Variants in RASEF observed in about 807,000 individuals in gnomAD.
RASEF encodes the protein RAS and EF-hand domain containing, also known as ras and EF-hand domain-containing protein.
Under a neutral mutation model 90.1 loss-of-function variants are expected in RASEF, and 68 were observed. The observed-to-expected ratio is 0.75, with a 90% CI of 0.62 to 0.92. The LOEUF is 0.92. Ranked by LOEUF, RASEF falls within the 40% of genes least tolerant of loss-of-function variation. RASEF has a pLI of 0.00. For missense variants in RASEF, 949 were observed against 937.2 expected, an observed-to-expected ratio of 1.01 and a Z score of -0.16; for synonymous variants, 331 against 345.2, an observed-to-expected ratio of 0.96 and a Z score of 0.46.
At chr9:83,130,740 A>T in the RASEF span, among the ~76,000 whole-genome samples, 2 of 152,226 alleles carry the variant, frequency 1.3e-5, no homozygotes, top group Non-Finnish European at 2.9e-5. Context: ...TCACAGCCTC[A>T]TGAAAGGAAA....
the RASEF span, among the ~76,000 whole-genome samples, chr9:83,151,169 A>G: frequency 6.6e-6 from 1 of 152,162 alleles, no homozygotes; most frequent in Non-Finnish European, 1.5e-5. Flanking sequence ...GCATAATGAT[A>G]ATAAAAACAG....
the RASEF span, among the ~76,000 whole-genome samples, chr9:83,125,466 A>G: frequency 1.2e-4 from 19 of 152,330 alleles, no homozygotes; most frequent in African/African-American, 4.6e-4. Context: ...TAGCACCAGT[A>G]AGAAACTGAT....
the RASEF span, among the ~76,000 whole-genome samples, chr9:83,099,301 T>C: frequency 6.6e-6 from 1 of 152,214 alleles, no homozygotes; most frequent in East Asian, 1.9e-4. Context: ...AGCATGTTTT[T>C]CTTCCATGAT....
chr9:83,131,507 A>G, the RASEF span, among the ~76,000 whole-genome samples: 365 of 152,342 alleles, frequency 2.4e-3, 1 homozygote, highest in African/African-American at 8.5e-3. Context: ...AATCTCAAAA[A>G]TAGAAAGCTT....
chr9:83,146,545 C>A, the RASEF span, among the ~76,000 whole-genome samples: 1 of 152,220 alleles, frequency 6.6e-6, no homozygotes, highest in East Asian at 1.9e-4. Context: ...AGAGAGCACA[C>A]AGCCTCTGCC....
intron 1 of RASEF, among the ~76,000 whole-genome samples, chr9:83,061,391 T>A (rs974434027): frequency 1.3e-5 from 2 of 152,188 alleles, no homozygotes; most frequent in African/African-American, 2.4e-5. Flanking sequence ...ATGTTCTGTC[T>A]CAGATGTGCA....
At chr9:83,130,008 T>C in the RASEF span, among the ~76,000 whole-genome samples, 10 of 152,360 alleles carry the variant, frequency 6.6e-5, no homozygotes, top group Admixed American at 1.3e-4. Context: ...CCAAATGCTT[T>C]AATGTCACCA....
chr9:83,217,187 C>G, the RASEF span, among the ~76,000 whole-genome samples: 8,718 of 152,044 alleles, frequency 0.057, 734 homozygotes, highest in East Asian at 0.42. Flanking sequence ...GGTATTTATC[C>G]GATGCTTTTA....
the RASEF span, among the ~76,000 whole-genome samples, chr9:83,150,032 C>G: frequency 3.3e-5 from 5 of 152,218 alleles, no homozygotes; most frequent in African/African-American, 1.2e-4. Flanking sequence ...TTCTGTCCAA[C>G]TTGGCTACAA....
the RASEF span, among the ~76,000 whole-genome samples, chr9:83,213,703 T>G: frequency 6.6e-6 from 1 of 152,176 alleles, no homozygotes; most frequent in Non-Finnish European, 1.5e-5. Flanking sequence ...CTCCCCAGCC[T>G]CAGGACTTTG....
At chr9:83,156,854 G>C in the RASEF span, among the ~76,000 whole-genome samples, 1 of 152,180 alleles carries the variant, frequency 6.6e-6, no homozygotes, top group East Asian at 1.9e-4. Flanking sequence ...TCATGGTTCT[G>C]TCATGATTTT....
chr9:83,124,830 G>C, the RASEF span, among the ~76,000 whole-genome samples: 1 of 152,132 alleles, frequency 6.6e-6, no homozygotes. Context: ...AAAAGCAAAG[G>C]TGGCAGAGAT....
At chr9:83,161,880 C>T in the RASEF span, among the ~76,000 whole-genome samples, 1 of 152,032 alleles carries the variant, frequency 6.6e-6, no homozygotes, top group Non-Finnish European at 1.5e-5. Flanking sequence ...TCTGCACAAG[C>T]TCTCCTCTCT....
the RASEF span, among the ~76,000 whole-genome samples, chr9:83,187,684 C>T: frequency 6.6e-6 from 1 of 152,186 alleles, no homozygotes; most frequent in South Asian, 2.1e-4. Context: ...TAATCTCCAG[C>T]TGATACAATG....
chr9:83,194,663 T>A, the RASEF span, among the ~76,000 whole-genome samples: 7 of 152,256 alleles, frequency 4.6e-5, no homozygotes, highest in African/African-American at 1.7e-4. Context: ...TTGGGATTCT[T>A]CTGTAGGAAA....
chr9:83,212,987 T>C, the RASEF span, among the ~76,000 whole-genome samples: 2 of 152,062 alleles, frequency 1.3e-5, no homozygotes, highest in Non-Finnish European at 2.9e-5. Context: ...AGAGGTTGTC[T>C]TTTACCAAAA....
chr9:82,998,324 G>A, intron 13 of RASEF, 41 bp downstream of exon 13: 1 of 1,337,634 alleles, frequency 7.5e-7, no homozygotes, highest in Non-Finnish European at 1.1e-6. Flanking sequence ...GCTTGTTAAT[G>A]CAAACCCAGG....
chr9:83,138,840 G>C, the RASEF span, among the ~76,000 whole-genome samples: 2 of 152,004 alleles, frequency 1.3e-5, no homozygotes, highest in Non-Finnish European at 2.9e-5. Flanking sequence ...CTTATGATTA[G>C]TGTCATGAAA....
intron 1 of RASEF, among the ~76,000 whole-genome samples, chr9:83,040,476 G>A (rs1829819148): frequency 6.6e-6 from 1 of 152,038 alleles, no homozygotes; most frequent in Admixed American, 6.6e-5. Flanking sequence ...ACTCACCATA[G>A]CTTCTACAAA....
Sources: allele counts gnomAD v4.1 joint callset (sites outside exome capture counted in the v4.1 genomes callset), GRCh38; gene constraint gnomAD v4.1.1; transcripts MANE v1.5; gene names NCBI Gene and HGNC (gene_info 2026-07-23, HGNC 2026-07-21).